SORCS1: variants seen among roughly 807,000 people sequenced by gnomAD.
The protein encoded by SORCS1 is VPS10 domain-containing receptor SorCS1.
In SORCS1, 60 loss-of-function variants were observed where a neutral mutation model predicts 146.1. The observed-to-expected ratio is 0.41, with a 90% CI of 0.33 to 0.51. The LOEUF (loss-of-function observed/expected upper bound fraction) is 0.51, where lower values mean the gene tolerates loss of function less well. Among genes scored for constraint, SORCS1 ranks in the 20% least tolerant of loss-of-function variants. The pLI, the probability that SORCS1 is intolerant of heterozygous loss-of-function variation, is 0.21. For missense variants in SORCS1, 1,352 were observed against 1,487.6 expected, an observed-to-expected ratio of 0.91 and a Z score of 1.50; for synonymous variants, 637 against 584.0, an observed-to-expected ratio of 1.09 and a Z score of -1.31.
At chr10:106,949,288 T>C (rs1954544724) in intron 2 of SORCS1, among the ~76,000 whole-genome samples, 2 of 152,160 alleles carry the variant, frequency 1.3e-5, no homozygotes, top group African/African-American at 2.4e-5. Context: ...TGTAGCAGAG[T>C]GAAAACTGGA....
chr10:107,094,332 T>C (rs1964407287), intron 1 of SORCS1, among the ~76,000 whole-genome samples: 1 of 152,210 alleles, frequency 6.6e-6, no homozygotes, highest in Non-Finnish European at 1.5e-5. Flanking sequence ...AAATCCTTTC[T>C]GTTAAGTATT....
intron 3 of SORCS1, among the ~76,000 whole-genome samples, chr10:106,801,609 A>T (rs1384086920): frequency 6.6e-6 from 1 of 150,400 alleles, no homozygotes; most frequent in Non-Finnish European, 1.5e-5. Flanking sequence ...GCTCACTGCA[A>T]AGCTCCGCCT....
At chr10:106,914,099 T>G (rs914076018) in intron 2 of SORCS1, among the ~76,000 whole-genome samples, 3 of 152,190 alleles carry the variant, frequency 2.0e-5, no homozygotes, top group Non-Finnish European at 4.4e-5. Context: ...ACTTAAAAAG[T>G]AAATCAAAGG....
At chr10:106,718,973 G>T (rs1318217895) in intron 6 of SORCS1, among the ~76,000 whole-genome samples, 3 of 152,052 alleles carry the variant, frequency 2.0e-5, no homozygotes, top group Admixed American at 1.3e-4. Flanking sequence ...CCTTTAGCTA[G>T]ACACAAAGCA....
At chr10:106,876,606 G>A (rs1049373225) in intron 2 of SORCS1, among the ~76,000 whole-genome samples, 2 of 152,202 alleles carry the variant, frequency 1.3e-5, no homozygotes, top group African/African-American at 4.8e-5. Flanking sequence ...AATCTACACA[G>A]TGGGTGGCAG....
chr10:106,985,093 A>C (rs1209964226), intron 1 of SORCS1, among the ~76,000 whole-genome samples: 1 of 152,172 alleles, frequency 6.6e-6, no homozygotes, highest in East Asian at 1.9e-4. Context: ...AGGCTGAGGA[A>C]GGAGAATCGC....
intron 4 of SORCS1, among the ~76,000 whole-genome samples, chr10:106,771,230 T>TA (rs1415654723): frequency 6.6e-6 from 1 of 150,688 alleles, no homozygotes. Flanking sequence ...TTTTTTTTTT[T>TA]AAATTTCCTT....
chr10:107,079,007 C>T (rs1419845748), intron 1 of SORCS1, among the ~76,000 whole-genome samples: 4 of 152,110 alleles, frequency 2.6e-5, no homozygotes, highest in South Asian at 4.1e-4. Context: ...AGGTAGATCA[C>T]GAGGTCAGGA....
chr10:106,852,497 G>A (rs537813162), intron 2 of SORCS1, among the ~76,000 whole-genome samples: 7 of 151,890 alleles, frequency 4.6e-5, no homozygotes, highest in Admixed American at 3.9e-4. Context: ...GCATGGTGTT[G>A]CACGCCTGTA....
chr10:106,772,211 T>C (rs1277002836), intron 4 of SORCS1, among the ~76,000 whole-genome samples: 1 of 152,164 alleles, frequency 6.6e-6, no homozygotes, highest in Non-Finnish European at 1.5e-5. Context: ...GAATTCCCTC[T>C]TTCTTTTTGA....
intron 6 of SORCS1, among the ~76,000 whole-genome samples, chr10:106,721,834 T>C (rs1855800598): frequency 6.6e-6 from 1 of 152,222 alleles, no homozygotes; most frequent in South Asian, 2.1e-4. Context: ...TCGCATTGTT[T>C]GAAATAACCA....
chr10:107,133,738 C>A (rs1196621836), intron 1 of SORCS1, among the ~76,000 whole-genome samples: 2 of 152,160 alleles, frequency 1.3e-5, no homozygotes, highest in Admixed American at 1.3e-4. Flanking sequence ...CACTTGGAGA[C>A]AACTGTTGCA....
intron 1 of SORCS1, among the ~76,000 whole-genome samples, chr10:107,153,091 T>C (rs1041056269): frequency 6.6e-6 from 1 of 152,014 alleles, no homozygotes; most frequent in African/African-American, 2.4e-5. Flanking sequence ...TCCTTCATTT[T>C]CTCCCTCTCC....
intron 18 of SORCS1, among the ~76,000 whole-genome samples, chr10:106,637,281 G>A (rs920429921): frequency 6.6e-6 from 1 of 152,216 alleles, no homozygotes; most frequent in Non-Finnish European, 1.5e-5. Context: ...TCCAAGAGGT[G>A]CTGGCACTGC....
intron 1 of SORCS1, among the ~76,000 whole-genome samples, chr10:107,053,947 C>T (rs1413935449): frequency 6.6e-6 from 1 of 152,122 alleles, no homozygotes; most frequent in African/African-American, 2.4e-5. Flanking sequence ...AGTTTTGAAC[C>T]TTTATTGCAC....
At chr10:107,057,706 T>C (rs1960781586) in intron 1 of SORCS1, among the ~76,000 whole-genome samples, 1 of 152,258 alleles carries the variant, frequency 6.6e-6, no homozygotes, top group Admixed American at 6.5e-5. Flanking sequence ...GCATTTTTGT[T>C]GCTGTTGATG....
chr10:106,696,141 G>GCAAA (rs56310725), intron 9 of SORCS1, among the ~76,000 whole-genome samples: 120,512 of 151,734 alleles, frequency 0.79, 50,655 homozygotes, highest in Non-Finnish European at 0.94. Flanking sequence ...GCATGAAGAA[G>GCAAA]CAAACAAAGA....
chr10:107,146,132 T>C (rs940082891), intron 1 of SORCS1, among the ~76,000 whole-genome samples: 1 of 152,176 alleles, frequency 6.6e-6, no homozygotes, highest in South Asian at 2.1e-4. Flanking sequence ...CAGGTATAAG[T>C]ATAGCTTATG....
At chr10:107,002,318 G>A (rs75539045) in intron 1 of SORCS1, among the ~76,000 whole-genome samples, 2,088 of 152,256 alleles carry the variant, frequency 0.014, 45 homozygotes, top group African/African-American at 0.047. Context: ...AGGTCAGACC[G>A]TATTGGAACT....
Sources: allele counts gnomAD v4.1 joint callset (sites outside exome capture counted in the v4.1 genomes callset), GRCh38; gene constraint gnomAD v4.1.1; transcripts MANE v1.5; gene names NCBI Gene and HGNC (gene_info 2026-07-23, HGNC 2026-07-21).